CORO1C: variants seen among roughly 807,000 people sequenced by gnomAD.
CORO1C encodes the protein coronin 1C, also known as coronin-1C.
A neutral mutation model predicts 51.2 loss-of-function variants in CORO1C; 14 were observed. That is an observed-to-expected ratio of 0.27 (90% CI 0.18 to 0.43). CORO1C has a LOEUF of 0.43. Among genes scored for constraint, CORO1C ranks in the 20% least tolerant of loss-of-function variants. The pLI is 1.00. For missense variants in CORO1C, 417 were observed against 607.8 expected (o/e 0.69, Z 3.30); for synonymous variants, 181 against 210.5 (o/e 0.86, Z 1.21).
intron 1 of CORO1C, among the ~76,000 whole-genome samples, chr12:108,720,446 A>G (rs1271379567): frequency 2.0e-5 from 3 of 152,216 alleles, no homozygotes; most frequent in Admixed American, 1.3e-4. Flanking sequence ...GTGTGTGTAA[A>G]TTTACACATA....
Position 108,647,196 on chromosome 12 carries a change from C to T in CORO1C, c.*207G>A. The T allele has an allele frequency of 2.3e-6, 1 of 439,996 alleles. No homozygotes were observed. The highest frequency in any genetic ancestry group is 6.1e-5 in the South Asian group (1 of 16,448). 27.3% of individuals were successfully genotyped at this position (439,996 alleles called of 1,614,324 possible). A position where few individuals can be genotyped will look rare whatever the true frequency, so the allele number is the denominator to read the frequency against. ...AAAAGCTTTCTGATAAAAAGCTCAG[C>T]TTTTAAATCACGTTTTGTTTCTGCA... On this transcript the variant is annotated 3_prime_UTR_variant, in exon 11 of 11. Coordinates refer to ENST00000261401, the MANE Select transcript of CORO1C (RefSeq NM_014325.4).
At chr12:108,709,183 AATT>A (rs1286900308) in intron 1 of CORO1C, among the ~76,000 whole-genome samples, 4 of 152,132 alleles carry the variant, frequency 2.6e-5, no homozygotes, top group Admixed American at 2.6e-4. Context: ...CTAGTATGTG[AATT>A]ATATCTCCAA....
chr12:108,675,016 G>T (rs1399020122), intron 3 of CORO1C, among the ~76,000 whole-genome samples: 1 of 152,178 alleles, frequency 6.6e-6, no homozygotes, highest in Admixed American at 6.5e-5. Context: ...GAAAGCTTTT[G>T]TGAGAGGCCA....
At chr12:108,656,221 C>T (rs1332169860) in intron 6 of CORO1C, among the ~76,000 whole-genome samples, 1 of 150,608 alleles carries the variant, frequency 6.6e-6, no homozygotes, top group Non-Finnish European at 1.5e-5. Flanking sequence ...CCCCTCCGCC[C>T]GGCAGCCACC....
intron 1 of CORO1C, chr12:108,703,044 A>C (rs1479983354): frequency 1.7e-6 from 2 of 1,198,440 alleles, no homozygotes; most frequent in Middle Eastern, 2.0e-4. Context: ...GAGTTAGATA[A>C]GACAGCTTCC....
At chr12:108,667,893 A>G (rs2033549745) in intron 3 of CORO1C, among the ~76,000 whole-genome samples, 1 of 152,232 alleles carries the variant, frequency 6.6e-6, no homozygotes. Flanking sequence ...CCCAACAAGA[A>G]AAAAGGAAAA....
chr12:108,719,217 A>G (rs2035415362), intron 1 of CORO1C, among the ~76,000 whole-genome samples: 1 of 152,240 alleles, frequency 6.6e-6, no homozygotes, highest in Non-Finnish European at 1.5e-5. Flanking sequence ...AAGTAGGACA[A>G]ATAATTTTAA....
intron 2 of CORO1C, among the ~76,000 whole-genome samples, chr12:108,688,388 T>C (rs1383584690): frequency 6.6e-6 from 1 of 152,092 alleles, no homozygotes; most frequent in African/African-American, 2.4e-5. Flanking sequence ...TGTGCTGGGG[T>C]GTGTTTTTAA....
chr12:108,683,362 T>C (rs2034188777), intron 2 of CORO1C, among the ~76,000 whole-genome samples: 1 of 147,974 alleles, frequency 6.8e-6, no homozygotes, highest in Non-Finnish European at 1.5e-5. Context: ...GAGGTTGCAG[T>C]GAGCTGAGAT....
At chr12:108,648,513 G>A in intron 10 of CORO1C, 92 bp downstream of exon 10, 1 of 1,549,898 alleles carries the variant, frequency 6.5e-7, no homozygotes, top group Admixed American at 1.7e-5. Flanking sequence ...CACCCAGCTG[G>A]GACAGTACTC....
At chr12:108,697,579 G>A (rs979486571) in intron 2 of CORO1C, among the ~76,000 whole-genome samples, 4 of 152,192 alleles carry the variant, frequency 2.6e-5, no homozygotes, top group Non-Finnish European at 5.9e-5. Context: ...AGACACTAAA[G>A]TTGTAGGAGT....
At chr12:108,675,695 G>T (rs148931796) in intron 3 of CORO1C, among the ~76,000 whole-genome samples, 9 of 152,292 alleles carry the variant, frequency 5.9e-5, no homozygotes, top group African/African-American at 1.9e-4. Context: ...CAAAATGACA[G>T]AATTTACTGT....
chr12:108,728,741 T>C (rs1434832688), intron 1 of CORO1C, among the ~76,000 whole-genome samples: 1 of 152,234 alleles, frequency 6.6e-6, no homozygotes, highest in African/African-American at 2.4e-5. Context: ...GAGATTCTAT[T>C]ACTTAACATT....
chr12:108,694,494 T>TA (rs1021747517), intron 2 of CORO1C, among the ~76,000 whole-genome samples: 3 of 152,124 alleles, frequency 2.0e-5, no homozygotes, highest in African/African-American at 7.2e-5. Flanking sequence ...AAGTTCATTG[T>TA]AAAAAAATAT....
chr12:108,667,130 A>G (rs1481380180), intron 3 of CORO1C, among the ~76,000 whole-genome samples: 1 of 151,950 alleles, frequency 6.6e-6, no homozygotes, highest in African/African-American at 2.4e-5. Context: ...TGCTGTTAAT[A>G]TGACCACTAT....
chr12:108,648,748 T>C lies in CORO1C; in HGVS notation c.1162A>G (p.Ile388Val), dbSNP rs904124915. The change falls in exon 10 of 11, where the codon ATC (isoleucine) becomes GTC (valine). Residue 388 changes from isoleucine to valine, a missense_variant. Transcript: ENST00000261401. ...FEGKNADPIL[I>V]SLKHGYIPGK... ...GGAATGTACCCGTGCTTCAAGGAGATGAGGATTGGGTCTGCATTCTTGCCT... is the reference window on the plus strand; with the variant it reads ...GGAATGTACCCGTGCTTCAAGGAGACGAGGATTGGGTCTGCATTCTTGCCT... 6.2e-7 allele frequency: 1 copy of C among 1,614,158 alleles called. No individual in the cohort carries two copies. The highest frequency in any genetic ancestry group is 8.5e-7 in the Non-Finnish European group (1 of 1,180,028).
At chr12:108,682,506 T>G (rs1377356389) in intron 2 of CORO1C, among the ~76,000 whole-genome samples, 1 of 152,164 alleles carries the variant, frequency 6.6e-6, no homozygotes, top group Non-Finnish European at 1.5e-5. Flanking sequence ...CACTATAAAC[T>G]GTAATTCATC....
At position 108,645,222 on chromosome 12, in the gene CORO1C, T is replaced by C. The variant is rs2032299993; in HGVS notation, c.*2181A>G. On this transcript the variant is annotated 3_prime_UTR_variant, in exon 11 of 11. Coordinates refer to ENST00000261401, the MANE Select transcript of CORO1C (RefSeq NM_014325.4). Reference sequence around the variant, plus strand: ...TAATTCACTGTCCTCTTCTGGGATGTCATGGCTTAAAAAAAAAAAAAAAAA... The same window carrying C: ...TAATTCACTGTCCTCTTCTGGGATGCCATGGCTTAAAAAAAAAAAAAAAAA... 6.8e-6 allele frequency: 1 copy of C among 147,794 alleles called. No homozygotes were observed. The highest frequency in any genetic ancestry group is 6.7e-5 in the Admixed American group (1 of 14,834). 9.2% of individuals were successfully genotyped at this position (147,794 alleles called of 1,614,324 possible). A position where few individuals can be genotyped will look rare whatever the true frequency, so the allele number is the denominator to read the frequency against.
chr12:108,652,420 G>A lies in CORO1C; in HGVS notation c.856-3C>T. On this transcript the variant is annotated splice_region_variant and splice_polypyrimidine_tract_variant and intron_variant, in intron 7 of 10. Transcript: ENST00000261401. ...AAATAGCGAATACTGCTGTCACCCT[G>A]TAAGAAACCAGAGACAAGTCTGTGT... The A allele has an allele frequency of 6.2e-7, 1 of 1,612,146 alleles. No homozygotes were observed. Among genetic ancestry groups the A allele is most frequent in the Non-Finnish European group, 8.5e-7 (1 of 1,178,400 alleles).
Sources: gnomAD v4.1 joint callset for allele counts (sites outside exome capture counted in the v4.1 genomes callset) on GRCh38, gnomAD v4.1.1 for gene constraint, MANE v1.5 for transcripts, NCBI Gene and HGNC (gene_info 2026-07-23, HGNC 2026-07-21) for gene names.